The following ODF2L variants were observed in gnomAD, a reference collection of about 807,000 sequenced individuals.
ODF2L encodes the protein protein BCAP.
ODF2L carries 76 observed loss-of-function variants against 86.3 expected under a neutral mutation model. That is an observed-to-expected ratio of 0.88 (90% confidence interval 0.73 to 1.07). The LOEUF (loss-of-function observed/expected upper bound fraction) is 1.07. ODF2L is among the 50% of genes least tolerant of loss of function. The probability of loss-of-function intolerance (pLI) is 0.00; values close to 1 mark genes in which losing one functional copy is unlikely to be tolerated. For synonymous variants in ODF2L, 241 were observed against 231.3 expected (o/e 1.04, Z -0.38); for missense variants, 748 against 717.4 (o/e 1.04, Z -0.49).
chr1:86,385,378 A>G, intron 3 of ODF2L, 80 bp downstream of exon 3: 1 of 813,158 alleles, frequency 1.2e-6, no homozygotes. Context: ...GCATACCTAT[A>G]TAAGATATGA....
intron 1 of ODF2L, among the ~76,000 whole-genome samples, chr1:86,388,256 A>G (rs1661081029): frequency 6.6e-6 from 1 of 152,152 alleles, no homozygotes; most frequent in African/African-American, 2.4e-5. Context: ...AATTACAAGT[A>G]TACAAAATAA....
chr1:86,354,209 C>G (rs762438097), intron 16 of ODF2L, among the ~76,000 whole-genome samples: 4 of 152,158 alleles, frequency 2.6e-5, no homozygotes, highest in African/African-American at 7.2e-5. Flanking sequence ...CTCACTGAAT[C>G]CTGATCAAAA....
At chr1:86,373,265 ATTTCT>A (rs983196189) in intron 8 of ODF2L, among the ~76,000 whole-genome samples, 7 of 149,686 alleles carry the variant, frequency 4.7e-5, no homozygotes, top group African/African-American at 1.7e-4. Context: ...AATTAAGATA[ATTTCT>A]TTTCTTTTTA....
chr1:86,354,949 G>A (rs1658425643), intron 14 of ODF2L, 90 bp from the exon 14 acceptor site: 2 of 701,814 alleles, frequency 2.8e-6, no homozygotes, highest in Admixed American at 2.6e-5. Flanking sequence ...ACAACCACAA[G>A]CAACGAGAAG....
In ODF2L at chr1:86,360,459, T is replaced by A. The variant is rs372782838; in HGVS notation, c.1221A>T (p.Lys407Asn). 9.5e-6 allele frequency: 15 copies of A among 1,581,832 alleles called. No individual in the cohort carries two copies. Among genetic ancestry groups the A allele is most frequent in the South Asian group, 9.0e-5 (8 of 89,076 alleles). ...TATACATTTCAATAAGGGTTTTCTG[T>A]TTTTTTTCTACTTCTTGCAATTCTG... is the stretch of plus-strand genomic sequence containing the variant. Residue 407 changes from lysine to asparagine, a missense_variant, in exon 12 of 18, where the codon AAA becomes AAT. Transcript: ENST00000317336.
intron 6 of ODF2L, among the ~76,000 whole-genome samples, chr1:86,382,711 T>C (rs1249029949): frequency 6.6e-6 from 1 of 151,934 alleles, no homozygotes; most frequent in African/African-American, 2.4e-5. Context: ...ATGAAGTGAT[T>C]TATGCCAAGT....
intron 14 of ODF2L, 179 bp from the exon 14 acceptor site, chr1:86,355,038 T>C (rs1448710112): frequency 3.7e-6 from 2 of 547,444 alleles, no homozygotes; most frequent in Non-Finnish European, 6.4e-6. Context: ...AAATTCCTGG[T>C]TAAATTTAAA....
At chr1:86,393,212 C>A (rs576280779) in intron 1 of ODF2L, among the ~76,000 whole-genome samples, 2 of 152,212 alleles carry the variant, frequency 1.3e-5, no homozygotes, top group South Asian at 4.1e-4. Context: ...TTTTGTTTTG[C>A]CAAACACAAA....
rs377349846 is a variant in ODF2L, at chr1:86,354,648, T to A, written c.1649A>T (p.Lys550Met). ...AAGACATTCTTCTTGGTTTGCCAGCTTCTTCTCAAGCTCTTTATTTTCTGC... is the reference window on the plus strand; with the variant it reads ...AAGACATTCTTCTTGGTTTGCCAGCATCTTCTCAAGCTCTTTATTTTCTGC... The change falls in exon 16 of 18, where the codon AAG (lysine) becomes ATG (methionine). Residue 550 changes from lysine (K) to methionine (M), a missense_variant. Physicochemically the swap from Lys to Met is moderately conservative, Grantham distance 95 (BLOSUM62 -1). Transcript: ENST00000317336. 1.1e-5 allele frequency: 17 copies of A among 1,612,682 alleles called. No homozygotes were observed. Among genetic ancestry groups the A allele is most frequent in the Non-Finnish European group, 1.4e-5 (16 of 1,178,966 alleles).
intron 8 of ODF2L, among the ~76,000 whole-genome samples, 172 bp downstream of exon 8, chr1:86,376,061 A>G (rs1660147629): frequency 6.6e-6 from 1 of 152,180 alleles, no homozygotes; most frequent in Non-Finnish European, 1.5e-5. Flanking sequence ...TGAAAATTTG[A>G]CATTTTATGT....
intron 7 of ODF2L, among the ~76,000 whole-genome samples, chr1:86,376,842 C>A (rs1471921607): frequency 1.3e-5 from 2 of 152,170 alleles, no homozygotes; most frequent in Non-Finnish European, 2.9e-5. Context: ...ATAAGGATTA[C>A]AATTCAAAAT....
intron 1 of ODF2L, among the ~76,000 whole-genome samples, chr1:86,395,448 A>G (rs1313988670): frequency 6.6e-6 from 1 of 152,198 alleles, no homozygotes; most frequent in African/African-American, 2.4e-5. Flanking sequence ...TCAGTGACCT[A>G]GACAAGGCCA....
chr1:86,350,881 GCTGA>G (rs1383425809), exon 18 of ODF2L: 2 of 152,084 alleles, frequency 1.3e-5, no homozygotes, highest in East Asian at 3.9e-4. Flanking sequence ...ATGTTTTTTG[GCTGA>G]CTAAATGTCT....
chr1:86,395,744 C>T (rs1661691723), intron 1 of ODF2L, among the ~76,000 whole-genome samples: 1 of 152,198 alleles, frequency 6.6e-6, no homozygotes, highest in Non-Finnish European at 1.5e-5. Flanking sequence ...AGGAACGGCC[C>T]GGTCAGGACT....
At chr1:86,357,089 T>G (rs1205214394) in intron 13 of ODF2L, among the ~76,000 whole-genome samples, 1 of 152,224 alleles carries the variant, frequency 6.6e-6, no homozygotes, top group Non-Finnish European at 1.5e-5. Context: ...TAAAAATTGC[T>G]AGTATCATCA....
In ODF2L at chr1:86,389,430, T is replaced by A. The variant is rs529834905; in HGVS notation, c.-59-2344A>T. On this transcript the variant is annotated intron_variant, in intron 1 of 17. Transcript: ENST00000317336. ...AGGTTCATAGCCTTAAATGCCTACA[T>A]TGAAAAGTCTGAAAGAACACAAACA... Among the ~76,000 whole-genome samples the A allele has an allele frequency of 2.0e-5, 3 of 152,040 alleles. No homozygotes were observed. In the South Asian group the frequency reaches 6.2e-4, roughly 32 times the overall value.
intron 13 of ODF2L, chr1:86,358,544 AAAATT>A (rs1658768154): frequency 5.0e-6 from 1 of 199,544 alleles, no homozygotes; most frequent in Admixed American, 6.0e-5. Flanking sequence ...TTGCATCAGA[AAAATT>A]AAACATTTAT....
intron 11 of ODF2L, among the ~76,000 whole-genome samples, chr1:86,362,587 A>G (rs1659119556): frequency 6.6e-6 from 1 of 152,156 alleles, no homozygotes; most frequent in South Asian, 2.1e-4. Flanking sequence ...CACCGTGCCC[A>G]GGCAGTCAAT....
chr1:86,382,857 G>C, intron 6 of ODF2L, 74 bp downstream of exon 6: 8 of 754,274 alleles, frequency 1.1e-5, no homozygotes, highest in Non-Finnish European at 1.4e-5. Flanking sequence ...TGAGGAGTTG[G>C]GGCCAGGATG....
Sources: gnomAD v4.1 joint callset for allele counts (sites outside exome capture counted in the v4.1 genomes callset) on GRCh38, gnomAD v4.1.1 for gene constraint, MANE v1.5 for transcripts, NCBI Gene and HGNC (gene_info 2026-07-23, HGNC 2026-07-21) for gene names.